TMEM232: variants seen among roughly 807,000 people sequenced by gnomAD.
The protein encoded by TMEM232 is transmembrane protein 232.
TMEM232 carries 80 observed loss-of-function variants against 78.8 expected under a neutral mutation model. That is an observed-to-expected ratio of 1.01 (90% CI 0.85 to 1.22). The LOEUF (loss-of-function observed/expected upper bound fraction) is 1.22. Ranked by LOEUF, TMEM232 falls within the 50% of genes most tolerant of loss-of-function variation. The pLI, the probability that TMEM232 is intolerant of heterozygous loss-of-function variation, is 0.00. For missense variants in TMEM232, 881 were observed against 742.2 expected (o/e 1.19, Z -2.17); for synonymous variants, 297 against 254.3 (o/e 1.17, Z -1.60).
intron 1 of TMEM232, among the ~76,000 whole-genome samples, chr5:110,737,453 T>A (rs1018764207): frequency 3.9e-5 from 6 of 152,290 alleles, no homozygotes; most frequent in Non-Finnish European, 5.9e-5. Context: ...TTTTGATACA[T>A]AGTGCCAAAC....
At chr5:110,730,785 T>C (rs1220660079), upstream of TMEM232, among the ~76,000 whole-genome samples, 1 of 152,122 alleles carries the variant, frequency 6.6e-6, no homozygotes, top group African/African-American at 2.4e-5. Flanking sequence ...CTGGGAGATA[T>C]AATTCAAGTT....
At chr5:110,424,048 T>A (rs148357242) in intron 13 of TMEM232, among the ~76,000 whole-genome samples, 1 of 152,184 alleles carries the variant, frequency 6.6e-6, no homozygotes, top group East Asian at 1.9e-4. Flanking sequence ...CCAATACTTA[T>A]AGCTGTTGCT....
At chr5:110,546,524 A>G (rs183962874) in intron 11 of TMEM232, among the ~76,000 whole-genome samples, 9 of 152,156 alleles carry the variant, frequency 5.9e-5, no homozygotes, top group Non-Finnish European at 1.3e-4. Context: ...CACTCTATGT[A>G]GGTAATAATA....
chr5:110,654,579 C>T (rs61508019), intron 2 of TMEM232, among the ~76,000 whole-genome samples: 4,869 of 152,108 alleles, frequency 0.032, 257 homozygotes, highest in African/African-American at 0.11. Context: ...AGTCAGGTAG[C>T]GTGATGCCTC....
chr5:110,456,138 C>T (rs73220730), intron 12 of TMEM232, among the ~76,000 whole-genome samples: 12,787 of 151,984 alleles, frequency 0.084, 1,096 homozygotes, highest in African/African-American at 0.22. Context: ...ATTTGAAATC[C>T]ATAAAAGAAG....
At chr5:110,474,771 T>C (rs1211108751) in intron 12 of TMEM232, among the ~76,000 whole-genome samples, 2 of 151,790 alleles carry the variant, frequency 1.3e-5, no homozygotes, top group East Asian at 3.8e-4. Context: ...AAATAGCAAA[T>C]AAAAATTTAA....
At chr5:110,724,298 G>C (rs1404153300) in intron 1 of TMEM232, among the ~76,000 whole-genome samples, 1 of 152,070 alleles carries the variant, frequency 6.6e-6, no homozygotes, top group Non-Finnish European at 1.5e-5. Flanking sequence ...AAACCACACT[G>C]TAGAACAATG....
chr5:110,473,865 C>A (rs1762944864), intron 12 of TMEM232, among the ~76,000 whole-genome samples: 1 of 97,990 alleles, frequency 1.0e-5, no homozygotes, highest in South Asian at 3.6e-4. Flanking sequence ...GGAGGACATT[C>A]TGTTAAGTGA....
intron 12 of TMEM232, among the ~76,000 whole-genome samples, chr5:110,483,588 G>A (rs1342925403): frequency 2.0e-5 from 3 of 151,846 alleles, no homozygotes; most frequent in African/African-American, 4.8e-5. Context: ...ATCACACACC[G>A]CGGCCTGTTG....
At chr5:110,558,262 C>G (rs1775335876) in intron 11 of TMEM232, among the ~76,000 whole-genome samples, 1 of 152,030 alleles carries the variant, frequency 6.6e-6, no homozygotes, top group Admixed American at 6.6e-5. Context: ...CAGTGGGGCC[C>G]ACTCTTATGT....
intron 1 of TMEM232, among the ~76,000 whole-genome samples, chr5:110,701,270 T>C (rs1405517183): frequency 1.3e-5 from 2 of 152,006 alleles, no homozygotes; most frequent in African/African-American, 2.4e-5. Flanking sequence ...TCCAATCATC[T>C]ACTGAAATAG....
chr5:110,457,709 G>T lies in TMEM232; in HGVS notation c.1704-32793C>A, dbSNP rs1444890511. On this transcript the variant is annotated intron_variant, in intron 12 of 13. Transcript: ENST00000455884. The stretch of plus-strand genomic sequence containing the variant: ...TTACCAATATGTACAAAAACATATT[G>T]GATGAATCTCAGATGCATTATGCTA... 3.3e-5 allele frequency among the ~76,000 whole-genome samples: 5 copies of T among 152,012 alleles called. No homozygotes were observed. The East Asian group carries it at 9.7e-4, about 29-fold the overall frequency.
intron 12 of TMEM232, among the ~76,000 whole-genome samples, chr5:110,498,738 TTG>T (rs1765892087): frequency 6.6e-6 from 1 of 151,966 alleles, no homozygotes; most frequent in African/African-American, 2.4e-5. Flanking sequence ...TCAGAGAAGT[TTG>T]TGTTTTCTAG....
chr5:110,522,752 G>A (rs529292201), intron 12 of TMEM232, among the ~76,000 whole-genome samples: 17 of 152,146 alleles, frequency 1.1e-4, no homozygotes, highest in East Asian at 3.9e-4. Context: ...TCCTTGCATC[G>A]CAGGGATAAA....
chr5:110,611,135 T>C (rs1362448185), intron 8 of TMEM232, among the ~76,000 whole-genome samples: 2 of 152,138 alleles, frequency 1.3e-5, no homozygotes, highest in East Asian at 3.9e-4. Context: ...TCTGAAATAA[T>C]TACTTAACTA....
chr5:110,729,707 ATTTTC>A (rs1190834523), upstream of TMEM232, among the ~76,000 whole-genome samples: 1 of 152,160 alleles, frequency 6.6e-6, no homozygotes, highest in African/African-American at 2.4e-5. Context: ...ACCCTTACAG[ATTTTC>A]CTGCCAAAAG....
chr5:110,464,455 T>A (rs970189541), intron 12 of TMEM232, among the ~76,000 whole-genome samples: 4 of 152,192 alleles, frequency 2.6e-5, no homozygotes, highest in African/African-American at 9.6e-5. Flanking sequence ...GACTTATGAA[T>A]GCTTCCAGTT....
downstream of TMEM232, among the ~76,000 whole-genome samples, chr5:110,418,340 A>G (rs1756344967): frequency 1.3e-5 from 2 of 152,076 alleles, no homozygotes. Context: ...AACTTGCCTA[A>G]TGTTCCCTAG....
intron 12 of TMEM232, among the ~76,000 whole-genome samples, chr5:110,444,462 C>T (rs1017897135): frequency 5.9e-5 from 9 of 152,152 alleles, no homozygotes; most frequent in South Asian, 4.1e-4. Context: ...ATGCTGTCAG[C>T]AATTCAAGAC....
Sources: allele counts gnomAD v4.1 joint callset (sites outside exome capture counted in the v4.1 genomes callset), GRCh38; gene constraint gnomAD v4.1.1; transcripts MANE v1.5; gene names NCBI Gene and HGNC (gene_info 2026-07-23, HGNC 2026-07-21).